Variants in SLC35F3 observed in about 807,000 individuals in gnomAD.
The protein encoded by SLC35F3 is putative thiamine transporter SLC35F3.
In SLC35F3, 25 loss-of-function variants were observed where a neutral mutation model predicts 49.9. The ratio of observed to expected loss-of-function variants is 0.50; its 90% confidence interval spans 0.37 to 0.70. SLC35F3 has a LOEUF of 0.70. Among genes scored for constraint, SLC35F3 ranks in the 30% least tolerant of loss-of-function variants. The pLI is 0.00. For missense variants in SLC35F3, 525 were observed against 639.8 expected (o/e 0.82, Z 1.94); for synonymous variants, 275 against 265.4 (o/e 1.04, Z -0.35).
At chr1:233,920,756 T>C (rs539206720) in intron 2 of SLC35F3, among the ~76,000 whole-genome samples, 3 of 152,352 alleles carry the variant, frequency 2.0e-5, no homozygotes, top group Admixed American at 2.0e-4. Flanking sequence ...TTTTCAGCCT[T>C]GATGAAACAA....
chr1:234,267,626 GC>G (rs1165665254), intron 3 of SLC35F3, among the ~76,000 whole-genome samples: 3 of 151,164 alleles, frequency 2.0e-5, no homozygotes, highest in African/African-American at 4.9e-5. Context: ...GGCTGGCCAG[GC>G]GGGGGGCTGA....
At chr1:234,321,372 C>A (rs181293105) in intron 7 of SLC35F3, among the ~76,000 whole-genome samples, 137 of 152,328 alleles carry the variant, frequency 9.0e-4, no homozygotes, top group African/African-American at 3.0e-3. Context: ...TCATACCTAC[C>A]CTTGCTACTT....
At chr1:234,085,978 A>G (rs1444689664) in intron 2 of SLC35F3, among the ~76,000 whole-genome samples, 2 of 152,224 alleles carry the variant, frequency 1.3e-5, no homozygotes, top group Non-Finnish European at 2.9e-5. Context: ...AAATAGTCAA[A>G]TATCAGTAAT....
chr1:234,286,984 A>T (rs1668431488), intron 3 of SLC35F3, among the ~76,000 whole-genome samples: 1 of 152,198 alleles, frequency 6.6e-6, no homozygotes, highest in African/African-American at 2.4e-5. Context: ...AGCTTGGGCA[A>T]CATAGCAGGC....
In SLC35F3 at chr1:234,089,649, T is replaced by C. The variant is rs114979241; in HGVS notation, c.284-141768T>C. 2.6e-3 allele frequency among the ~76,000 whole-genome samples: 396 copies of C among 152,272 alleles called. 2 individuals are homozygous for C. The highest frequency in any genetic ancestry group is 9.1e-3 in the African/African-American group (377 of 41,568). ...GTACCCCGGGGTGGTCACATCTTAA[T>C]ATGCACAGGGCTTTTTAGAAGTTTC... On this transcript the variant is annotated intron_variant, in intron 2 of 7. Coordinates refer to ENST00000366618, the MANE Select transcript of SLC35F3 (RefSeq NM_173508.4).
chr1:234,323,293 C>A lies in SLC35F3; in HGVS notation c.*50C>A, dbSNP rs368598885. The A allele has an allele frequency of 4.6e-6, 7 of 1,524,214 alleles. No homozygotes were observed. The highest frequency in any genetic ancestry group is 6.3e-6 in the Non-Finnish European group (7 of 1,114,620). The allele number at this position is 1,524,214 out of a possible 1,614,324, so 94.4% of individuals were successfully genotyped here. A position where few individuals can be genotyped will look rare whatever the true frequency, so the allele number is the denominator to read the frequency against. ...TAATGACTGGGAGGTCTATTCCTGC[C>A]GGGAGGAACCTCAGTTGGGTAAGGT... On this transcript the variant is annotated 3_prime_UTR_variant, in exon 8 of 8. Coordinates refer to ENST00000366618, the MANE Select transcript of SLC35F3 (RefSeq NM_173508.4). This position sits in a 1 kb window ranked among gnomAD's most constrained non-coding sequence, Gnocchi z 4.5.
At chr1:234,063,879 T>C (rs1481076035) in intron 2 of SLC35F3, among the ~76,000 whole-genome samples, 2 of 152,270 alleles carry the variant, frequency 1.3e-5, no homozygotes, top group African/African-American at 2.4e-5. Flanking sequence ...CATCAACAGG[T>C]AGCTAGGAAC....
intron 3 of SLC35F3, among the ~76,000 whole-genome samples, chr1:234,269,441 C>T (rs1011258996): frequency 8.5e-5 from 13 of 152,178 alleles, no homozygotes; most frequent in African/African-American, 3.1e-4. Context: ...GCTAAGTTGA[C>T]AAAAGTACCT....
chr1:233,997,780 G>C (rs4920206), intron 2 of SLC35F3, among the ~76,000 whole-genome samples: 18,304 of 151,458 alleles, frequency 0.12, 1,723 homozygotes, highest in East Asian at 0.41. Context: ...GAGACAGAGT[G>C]TTACTCTGTC....
At chr1:234,305,459 T>A (rs1657139938) in intron 3 of SLC35F3, among the ~76,000 whole-genome samples, 1 of 150,756 alleles carries the variant, frequency 6.6e-6, no homozygotes, top group Admixed American at 6.7e-5. Context: ...CTTGGCTCAC[T>A]GCAACCTCCG....
chr1:234,297,918 A>G (rs1668630161), intron 3 of SLC35F3, among the ~76,000 whole-genome samples: 1 of 152,180 alleles, frequency 6.6e-6, no homozygotes, highest in African/African-American at 2.4e-5. Flanking sequence ...AGCTACTCAT[A>G]CTGTGGCATA....
intron 2 of SLC35F3, among the ~76,000 whole-genome samples, chr1:234,117,932 G>GTATATATATATATATATA (rs1373405963): frequency 1.2e-4 from 6 of 51,796 alleles, no homozygotes; most frequent in East Asian, 1.2e-3. Context: ...GTGTGTGTGT[G>GTATATATATATATATATA]TGTGTGTGTG....
intron 2 of SLC35F3, among the ~76,000 whole-genome samples, chr1:234,085,826 C>A (rs939190939): frequency 6.6e-6 from 1 of 152,132 alleles, no homozygotes; most frequent in African/African-American, 2.4e-5. Flanking sequence ...CATTGTGATT[C>A]GGACTGCTCT....
chr1:234,189,601 A>T (rs1666702329), intron 2 of SLC35F3, among the ~76,000 whole-genome samples: 1 of 151,964 alleles, frequency 6.6e-6, no homozygotes. Flanking sequence ...AAGAATTGGC[A>T]TTCCTGAGGA....
At chr1:234,205,665 C>T (rs1293238235) in intron 2 of SLC35F3, among the ~76,000 whole-genome samples, 1 of 152,250 alleles carries the variant, frequency 6.6e-6, no homozygotes, top group Non-Finnish European at 1.5e-5. Context: ...AAGAGTCAAA[C>T]CCAGTGCTAT....
intron 2 of SLC35F3, among the ~76,000 whole-genome samples, chr1:234,224,976 C>T (rs1393870975): frequency 1.3e-5 from 2 of 152,216 alleles, no homozygotes; most frequent in Non-Finnish European, 2.9e-5. Context: ...TATGTTCTTT[C>T]CCTGGAACCT....
At chr1:234,076,029 T>C (rs1207636020) in intron 2 of SLC35F3, among the ~76,000 whole-genome samples, 1 of 152,228 alleles carries the variant, frequency 6.6e-6, no homozygotes, top group African/African-American at 2.4e-5. Context: ...GATTCCATGT[T>C]ATTTTCTTCT....
chr1:233,948,929 C>A (rs1662560833), intron 2 of SLC35F3, among the ~76,000 whole-genome samples: 1 of 152,174 alleles, frequency 6.6e-6, no homozygotes, highest in African/African-American at 2.4e-5. Context: ...GAGGCTGTTT[C>A]TCCCTCACAG....
intron 3 of SLC35F3, among the ~76,000 whole-genome samples, chr1:234,278,066 GC>G (rs1440641869): frequency 6.6e-6 from 1 of 152,078 alleles, no homozygotes; most frequent in East Asian, 1.9e-4. Flanking sequence ...AGAGGCATGC[GC>G]CTGTGGTCCC....
Sources: gnomAD v4.1 joint callset for allele counts (sites outside exome capture counted in the v4.1 genomes callset) on GRCh38, gnomAD v4.1.1 for gene constraint, Gnocchi (gnomAD v3.1) non-coding constraint, MANE v1.5 for transcripts, NCBI Gene and HGNC (gene_info 2026-07-23, HGNC 2026-07-21) for gene names.